The following TNFRSF19 variants were observed in gnomAD, a reference collection of about 807,000 sequenced individuals.
TNFRSF19 encodes TNF receptor superfamily member 19, also known as tumor necrosis factor receptor superfamily member 19.
In TNFRSF19, 27 loss-of-function variants were observed where a neutral mutation model predicts 46.4. The observed-to-expected ratio is 0.58, with a 90% CI of 0.43 to 0.80. TNFRSF19 has a LOEUF of 0.80. TNFRSF19 is among the 30% of genes least tolerant of loss of function. TNFRSF19 has a pLI of 0.00. For missense variants in TNFRSF19, 511 were observed against 530.8 expected, an observed-to-expected ratio of 0.96 and a Z score of 0.37; for synonymous variants, 204 against 205.0, an observed-to-expected ratio of 1.00 and a Z score of 0.04.
In TNFRSF19 at chr13:23,615,986, C is replaced by T. The variant is rs1191171800; in HGVS notation, c.300C>T (p.Arg100=). ...GTCTGGACTGCGCAGTGGTGAACCG[C>T]TTTCAGAAGGCAAATTGTTCAGCCA... ...KPCLDCAVVN[R]FQKANCSATS... is the part of the protein sequence containing the mutation. The change falls in exon 4 of 10, where the codon CGC becomes CGT. Residue 100 remains arginine, a synonymous_variant. Coordinates refer to ENST00000248484, the MANE Select transcript of TNFRSF19 (RefSeq NM_148957.4). The T allele has an allele frequency of 6.2e-7, 1 of 1,613,444 alleles. No individual in the cohort carries two copies. Among genetic ancestry groups the T allele is most frequent in the South Asian group, 1.1e-5 (1 of 91,032 alleles).
chr13:23,645,718 T>A (rs1883291718), intron 5 of TNFRSF19, among the ~76,000 whole-genome samples: 1 of 152,214 alleles, frequency 6.6e-6, no homozygotes, highest in African/African-American at 2.4e-5. Flanking sequence ...ATCTGATCAG[T>A]CCCTGGCTTT....
At chr13:23,661,104 A>C (rs553356749) in intron 7 of TNFRSF19, among the ~76,000 whole-genome samples, 20 of 152,190 alleles carry the variant, frequency 1.3e-4, no homozygotes, top group Admixed American at 3.9e-4. Context: ...TTATATAGGT[A>C]AACTGATGTT....
chr13:23,654,859 G>T (rs1238451038), intron 5 of TNFRSF19, among the ~76,000 whole-genome samples: 1 of 152,214 alleles, frequency 6.6e-6, no homozygotes, highest in Non-Finnish European at 1.5e-5. Flanking sequence ...AGTGAGGAGG[G>T]TGAGGCACTG....
chr13:23,627,238 C>T (rs1430886269), intron 5 of TNFRSF19, among the ~76,000 whole-genome samples: 2 of 152,182 alleles, frequency 1.3e-5, no homozygotes, highest in African/African-American at 2.4e-5. Flanking sequence ...CACCTGCCCT[C>T]ACTGTGTGTC....
chr13:23,601,206 A>G (rs1453957963), intron 3 of TNFRSF19, among the ~76,000 whole-genome samples: 1 of 152,174 alleles, frequency 6.6e-6, no homozygotes, highest in Non-Finnish European at 1.5e-5. Context: ...TCATTTGCAA[A>G]TTGCAGAAAA....
intron 3 of TNFRSF19, among the ~76,000 whole-genome samples, chr13:23,594,062 A>G (rs1436632184): frequency 6.6e-6 from 1 of 151,924 alleles, no homozygotes; most frequent in East Asian, 1.9e-4. Flanking sequence ...GTAATGGTGC[A>G]CTCCAACCCG....
At chr13:23,639,774 G>T (rs974281063) in intron 5 of TNFRSF19, among the ~76,000 whole-genome samples, 1 of 152,234 alleles carries the variant, frequency 6.6e-6, no homozygotes, top group Admixed American at 6.5e-5. Context: ...TGGGAGGGAG[G>T]GAGAGGAGGA....
At position 23,647,899 on chromosome 13, in the gene TNFRSF19, T is replaced by G. The variant is rs1351057510; in HGVS notation, c.446-11151T>G. Among the ~76,000 whole-genome samples the G allele has an allele frequency of 2.6e-5, 4 of 152,290 alleles. No homozygotes were observed. In the East Asian group the frequency reaches 7.7e-4, roughly 29 times the overall value. On this transcript the variant is annotated intron_variant, in intron 5 of 9. Coordinates refer to ENST00000248484, the MANE Select transcript of TNFRSF19 (RefSeq NM_148957.4). Reference sequence around the variant, plus strand: ...AAAAATCAGTTGACCATAAATGTATTGGTTTACTTCAGGACTGTCAATTCT... The same window carrying G: ...AAAAATCAGTTGACCATAAATGTATGGGTTTACTTCAGGACTGTCAATTCT...
At chr13:23,657,181 C>G (rs1284505774) in intron 5 of TNFRSF19, among the ~76,000 whole-genome samples, 3 of 152,132 alleles carry the variant, frequency 2.0e-5, no homozygotes, top group African/African-American at 7.2e-5. Flanking sequence ...CAATAAGAGA[C>G]TTTTATATGT....
chr13:23,615,437 A>C (rs1881205841), intron 3 of TNFRSF19, among the ~76,000 whole-genome samples: 1 of 152,202 alleles, frequency 6.6e-6, no homozygotes, highest in Non-Finnish European at 1.5e-5. Flanking sequence ...TTTCTTATGC[A>C]CTTATCCTCA....
At chr13:23,606,508 C>T (rs779265313) in intron 3 of TNFRSF19, among the ~76,000 whole-genome samples, 15 of 152,196 alleles carry the variant, frequency 9.9e-5, no homozygotes, top group Non-Finnish European at 2.1e-4. Flanking sequence ...CCTGGAAGCC[C>T]ATGTTGTTCA....
At chr13:23,578,481 T>C (rs945048872) in intron 1 of TNFRSF19, among the ~76,000 whole-genome samples, 1 of 152,118 alleles carries the variant, frequency 6.6e-6, no homozygotes. Context: ...AACAACCTAT[T>C]CACTCATTCA....
intron 3 of TNFRSF19, among the ~76,000 whole-genome samples, chr13:23,607,738 A>C (rs1010032795): frequency 1.3e-5 from 2 of 152,124 alleles, no homozygotes; most frequent in Admixed American, 1.3e-4. Flanking sequence ...CTCTGTATTA[A>C]AGGTATCTTA....
At chr13:23,629,414 C>G (rs1882213528) in intron 5 of TNFRSF19, among the ~76,000 whole-genome samples, 1 of 152,176 alleles carries the variant, frequency 6.6e-6, no homozygotes, top group Non-Finnish European at 1.5e-5. Context: ...CCTAATGGGT[C>G]TCTTTGCTCT....
At chr13:23,575,297 A>G (rs1877883024) in intron 1 of TNFRSF19, among the ~76,000 whole-genome samples, 1 of 152,204 alleles carries the variant, frequency 6.6e-6, no homozygotes, top group South Asian at 2.1e-4. Flanking sequence ...TTTGCTCTGT[A>G]AGTGTCTTGA....
At chr13:23,584,858 C>A (rs569283492) in intron 1 of TNFRSF19, among the ~76,000 whole-genome samples, 1 of 152,146 alleles carries the variant, frequency 6.6e-6, no homozygotes, top group Non-Finnish European at 1.5e-5. Context: ...TCTGCCAACT[C>A]TACTATGTAA....
rs1357574310 is a variant in TNFRSF19, at chr13:23,626,314, C to T, written c.360-393C>T. On this transcript the variant is annotated intron_variant, in intron 4 of 9. Coordinates refer to ENST00000248484, the MANE Select transcript of TNFRSF19 (RefSeq NM_148957.4). The stretch of plus-strand genomic sequence containing the variant: ...TCAAGATTGTATGAGTATTTCCCTA[C>T]ATTTTTCCGTTGCTTTTATGGTTGC... Among the ~76,000 whole-genome samples the T allele has an allele frequency of 1.4e-4, 21 of 151,710 alleles. 1 individual carries two copies. Among genetic ancestry groups the T allele is most frequent in the Admixed American group, 1.4e-3 (21 of 15,222 alleles).
chr13:23,660,667 C>T (rs552820823), intron 7 of TNFRSF19, among the ~76,000 whole-genome samples, 177 bp downstream of exon 7: 29 of 152,164 alleles, frequency 1.9e-4, no homozygotes, highest in Non-Finnish European at 4.0e-4. Context: ...TGTTTCGAGT[C>T]TCTTAAGCAT....
intron 7 of TNFRSF19, among the ~76,000 whole-genome samples, chr13:23,667,152 CAGAG>C (rs1951651949): frequency 1.4e-5 from 2 of 142,564 alleles, no homozygotes; most frequent in South Asian, 2.3e-4. Flanking sequence ...TATGTATAGA[CAGAG>C]TGAGAAATCA....
Sources: allele counts gnomAD v4.1 joint callset (sites outside exome capture counted in the v4.1 genomes callset), GRCh38; gene constraint gnomAD v4.1.1; transcripts MANE v1.5; gene names NCBI Gene and HGNC (gene_info 2026-07-23, HGNC 2026-07-21).